Variants in STPG2 observed in about 807,000 individuals in gnomAD.
STPG2 encodes sperm tail PG-rich repeat containing 2, also known as sperm-tail PG-rich repeat-containing protein 2.
Under a neutral mutation model 54.2 loss-of-function variants are expected in STPG2, and 56 were observed. That is an observed-to-expected ratio of 1.03 (90% CI 0.83 to 1.29). The LOEUF (loss-of-function observed/expected upper bound fraction) is 1.29, where lower values mean the gene tolerates loss of function less well. Ranked by LOEUF, STPG2 falls within the 50% of genes most tolerant of loss-of-function variation. The pLI, the probability that STPG2 is intolerant of heterozygous loss-of-function variation, is 0.00. For missense variants in STPG2, 596 were observed against 544.9 expected, an observed-to-expected ratio of 1.09 and a Z score of -0.93; for synonymous variants, 200 against 181.8, an observed-to-expected ratio of 1.10 and a Z score of -0.81.
intron 7 of STPG2, among the ~76,000 whole-genome samples, chr4:97,957,742 A>G (rs1028087184): frequency 5.3e-5 from 8 of 152,212 alleles, no homozygotes; most frequent in African/African-American, 1.9e-4. Flanking sequence ...CCTACAAGCT[A>G]GAAGAGATTG....
intron 9 of STPG2, among the ~76,000 whole-genome samples, chr4:97,837,242 AT>A (rs373243243): frequency 6.6e-6 from 1 of 151,668 alleles, no homozygotes; most frequent in Non-Finnish European, 1.5e-5. Flanking sequence ...TAGAAGCAGA[AT>A]TCTAGGGTCA....
intron 10 of STPG2, chr4:97,633,880 G>A (rs971305308): frequency 6.5e-6 from 1 of 154,954 alleles, no homozygotes; most frequent in African/African-American, 2.4e-5. Context: ...ACAGCAGTCT[G>A]AGATCAAACT....
intron 9 of STPG2, among the ~76,000 whole-genome samples, chr4:97,799,916 G>A (rs189232101): frequency 1.7e-4 from 26 of 151,902 alleles, no homozygotes; most frequent in East Asian, 1.2e-3. Flanking sequence ...TTCTCTTCTC[G>A]CTTCATTTCA....
At chr4:97,810,128 T>G (rs1435483487) in intron 9 of STPG2, among the ~76,000 whole-genome samples, 1 of 152,112 alleles carries the variant, frequency 6.6e-6, no homozygotes, top group Non-Finnish European at 1.5e-5. Context: ...AAAATGTTCT[T>G]TTTGCTGCCC....
intron 9 of STPG2, among the ~76,000 whole-genome samples, chr4:97,751,979 A>G (rs1347656190): frequency 6.6e-6 from 1 of 151,772 alleles, no homozygotes; most frequent in Non-Finnish European, 1.5e-5. Flanking sequence ...CGGACTCCCA[A>G]GTTCTAATCT....
At chr4:97,966,153 G>T (rs925639551) in intron 7 of STPG2, among the ~76,000 whole-genome samples, 1 of 152,158 alleles carries the variant, frequency 6.6e-6, no homozygotes, top group African/African-American at 2.4e-5. Context: ...TAGACGAATG[G>T]CTAACTAGAA....
intron 8 of STPG2, among the ~76,000 whole-genome samples, chr4:97,925,659 A>T (rs1458283678): frequency 6.6e-6 from 1 of 152,214 alleles, no homozygotes; most frequent in African/African-American, 2.4e-5. Flanking sequence ...GTATAACAAA[A>T]GAAAGAAGTG....
intron 4 of STPG2, among the ~76,000 whole-genome samples, chr4:97,443,638 G>A (rs932336990): frequency 4.6e-5 from 7 of 152,064 alleles, no homozygotes; most frequent in Non-Finnish European, 1.0e-4. Context: ...ACAAAAATGT[G>A]AAACTCAGTT....
intron 10 of STPG2, among the ~76,000 whole-genome samples, chr4:97,590,979 G>T (rs531149667): frequency 1.3e-5 from 2 of 152,190 alleles, no homozygotes; most frequent in East Asian, 3.9e-4. Context: ...TCAAAACCAA[G>T]AAGTGAATTC....
At chr4:97,894,110 T>A (rs949551123) in intron 8 of STPG2, among the ~76,000 whole-genome samples, 1 of 152,122 alleles carries the variant, frequency 6.6e-6, no homozygotes, top group African/African-American at 2.4e-5. Context: ...TGTATAAAAG[T>A]TTGGCCTTAT....
At chr4:98,018,892 G>C (rs1211361356) in intron 5 of STPG2, among the ~76,000 whole-genome samples, 3 of 150,262 alleles carry the variant, frequency 2.0e-5, no homozygotes, top group Admixed American at 6.7e-5. Context: ...AAATTTGTTT[G>C]AGTTCATTGT....
chr4:97,668,592 T>A (rs1490772586), intron 10 of STPG2, among the ~76,000 whole-genome samples: 1 of 142,048 alleles, frequency 7.0e-6, no homozygotes, highest in Non-Finnish European at 1.5e-5. Flanking sequence ...CAGGGCTTAG[T>A]GGTCAACAGA....
chr4:97,725,232 T>C (rs916568901), intron 9 of STPG2, among the ~76,000 whole-genome samples: 1 of 151,930 alleles, frequency 6.6e-6, no homozygotes, highest in African/African-American at 2.4e-5. Flanking sequence ...TCTGCTAACC[T>C]ACACAGAGTT....
chr4:97,905,960 G>C (rs185069144), intron 8 of STPG2, among the ~76,000 whole-genome samples: 1 of 152,156 alleles, frequency 6.6e-6, no homozygotes, highest in Admixed American at 6.5e-5. Flanking sequence ...AAAAGAACTA[G>C]AAAAGCAAGA....
At chr4:97,965,085 G>A (rs1464584847) in intron 7 of STPG2, among the ~76,000 whole-genome samples, 1 of 152,184 alleles carries the variant, frequency 6.6e-6, no homozygotes, top group Non-Finnish European at 1.5e-5. Flanking sequence ...CCCTTTCCTA[G>A]CCAAGGGAAG....
intron 1 of STPG2, among the ~76,000 whole-genome samples, chr4:98,139,935 T>C (rs1740234083): frequency 6.6e-6 from 1 of 152,230 alleles, no homozygotes; most frequent in Non-Finnish European, 1.5e-5. Flanking sequence ...AAACTAGGAA[T>C]AATGGAGTAA....
At chr4:97,656,178 G>T (rs1364842271) in intron 10 of STPG2, among the ~76,000 whole-genome samples, 1 of 152,060 alleles carries the variant, frequency 6.6e-6, no homozygotes, top group East Asian at 1.9e-4. Context: ...GAACACATGG[G>T]TATCTCAGTA....
At chr4:97,705,585 C>A (rs1407979419) in intron 10 of STPG2, among the ~76,000 whole-genome samples, 3 of 151,968 alleles carry the variant, frequency 2.0e-5, no homozygotes, top group African/African-American at 7.3e-5. Context: ...CTCAGCCTCC[C>A]AAAGTTCTAG....
intron 5 of STPG2, among the ~76,000 whole-genome samples, chr4:98,100,836 G>A (rs1739010851): frequency 6.6e-6 from 1 of 151,494 alleles, no homozygotes; most frequent in Non-Finnish European, 1.5e-5. Context: ...CCACCATGCT[G>A]AACTAATTTT....
Sources: allele counts gnomAD v4.1 joint callset (sites outside exome capture counted in the v4.1 genomes callset), GRCh38; gene constraint gnomAD v4.1.1; transcripts MANE v1.5; gene names NCBI Gene and HGNC (gene_info 2026-07-23, HGNC 2026-07-21).